TRHDE: variants seen among roughly 807,000 people sequenced by gnomAD.
TRHDE encodes the protein thyrotropin releasing hormone degrading enzyme.
In TRHDE, 72 loss-of-function variants were observed where a neutral mutation model predicts 125.7. The ratio of observed to expected loss-of-function variants is 0.57; its 90% confidence interval spans 0.47 to 0.70. TRHDE has a LOEUF of 0.70. Among genes scored for constraint, TRHDE ranks in the 30% least tolerant of loss-of-function variants. The pLI, the probability that TRHDE is intolerant of heterozygous loss-of-function variation, is 0.00. For synonymous variants in TRHDE, 509 were observed against 509.1 expected (o/e 1.00, Z 0.00); for missense variants, 1,110 against 1,327.1 (o/e 0.84, Z 2.54).
At position 72,663,817 on chromosome 12, in the gene TRHDE, T is replaced by C. The variant is rs1424044011; in HGVS notation, c.*622T>C. 1.3e-5 allele frequency: 2 copies of C among 152,240 alleles called. No homozygotes were observed. Among genetic ancestry groups the C allele is most frequent in the Non-Finnish European group, 2.9e-5 (2 of 68,038 alleles). The allele number at this position is 152,240 out of a possible 1,614,324, so 9.4% of individuals were successfully genotyped here. A position where few individuals can be genotyped will look rare whatever the true frequency, so the allele number is the denominator to read the frequency against. ...ATTACTGTGTTGCTAACTCATTTTCTTTGAGTTAAAGCTGTGTATACATTT... is the reference window on the plus strand; with the variant it reads ...ATTACTGTGTTGCTAACTCATTTTCCTTGAGTTAAAGCTGTGTATACATTT... On this transcript the variant is annotated 3_prime_UTR_variant, in exon 19 of 19. Coordinates refer to ENST00000261180, the MANE Select transcript of TRHDE (RefSeq NM_013381.3).
intron 2 of TRHDE, among the ~76,000 whole-genome samples, chr12:72,250,026 A>G (rs1878647609): frequency 6.6e-6 from 1 of 152,366 alleles, no homozygotes; most frequent in East Asian, 1.9e-4. Context: ...ATTATGCTGA[A>G]GAATTTAAAG....
chr12:72,329,540 G>A (rs1413017130), intron 2 of TRHDE, among the ~76,000 whole-genome samples: 1 of 152,160 alleles, frequency 6.6e-6, no homozygotes, highest in Non-Finnish European at 1.5e-5. Flanking sequence ...TTAAAGGCAA[G>A]TAAATGGAAT....
intron 2 of TRHDE, among the ~76,000 whole-genome samples, chr12:72,338,574 G>A (rs567192183): frequency 5.3e-5 from 8 of 152,238 alleles, no homozygotes; most frequent in South Asian, 2.1e-4. Flanking sequence ...CTTTGCCCAC[G>A]TCACTTGTTT....
chr12:72,093,750 A>T (rs1474876392), intron 1 of TRHDE, among the ~76,000 whole-genome samples: 1 of 152,066 alleles, frequency 6.6e-6, no homozygotes, highest in African/African-American at 2.4e-5. Context: ...TTAGTTGTCT[A>T]TCTGTCTTCT....
chr12:72,090,594 G>A (rs1413930906), intron 1 of TRHDE, among the ~76,000 whole-genome samples: 1 of 152,136 alleles, frequency 6.6e-6, no homozygotes, highest in Admixed American at 6.5e-5. Context: ...ACTGCCCATT[G>A]CCTTAAATAT....
intron 3 of TRHDE, among the ~76,000 whole-genome samples, chr12:72,467,158 G>GT (rs750653761): frequency 6.6e-6 from 1 of 152,094 alleles, no homozygotes; most frequent in Non-Finnish European, 1.5e-5. Flanking sequence ...ATGTATACAT[G>GT]TGCCATGTTG....
intron 2 of TRHDE, among the ~76,000 whole-genome samples, chr12:72,135,547 A>AT (rs1179034050): frequency 6.8e-6 from 1 of 147,236 alleles, no homozygotes; most frequent in African/African-American, 2.6e-5. Context: ...GTGTGTAAAC[A>AT]TGTTTTTTTT....
chr12:72,516,156 A>G (rs1389847313), intron 6 of TRHDE, among the ~76,000 whole-genome samples: 5 of 151,316 alleles, frequency 3.3e-5, no homozygotes, highest in Non-Finnish European at 7.4e-5. Flanking sequence ...TGAACTTTAA[A>G]GTAGTTTTTT....
At chr12:72,319,726 A>T (rs530008826) in intron 2 of TRHDE, among the ~76,000 whole-genome samples, 7 of 152,300 alleles carry the variant, frequency 4.6e-5, no homozygotes, top group African/African-American at 1.4e-4. Flanking sequence ...GCACTGAGAG[A>T]TAATAAGAAC....
At chr12:72,315,382 T>G (rs192881846) in intron 2 of TRHDE, among the ~76,000 whole-genome samples, 1 of 152,284 alleles carries the variant, frequency 6.6e-6, no homozygotes, top group African/African-American at 2.4e-5. Context: ...GAACAAGTAG[T>G]TTAGATTTTG....
At chr12:72,431,276 G>A (rs1172961243) in intron 3 of TRHDE, among the ~76,000 whole-genome samples, 1 of 152,058 alleles carries the variant, frequency 6.6e-6, no homozygotes, top group Admixed American at 6.6e-5. Flanking sequence ...TATAGTCAAT[G>A]GATGTACTAT....
chr12:72,198,885 T>C (rs1877497123), intron 2 of TRHDE, among the ~76,000 whole-genome samples: 1 of 151,244 alleles, frequency 6.6e-6, no homozygotes, highest in Admixed American at 6.6e-5. Context: ...CTTACAATCA[T>C]GGCAGAAGGT....
intron 3 of TRHDE, among the ~76,000 whole-genome samples, chr12:72,460,992 G>C (rs769138174): frequency 6.6e-6 from 1 of 152,046 alleles, no homozygotes; most frequent in Non-Finnish European, 1.5e-5. Flanking sequence ...AGTAAATGTC[G>C]AGGAAAATTG....
At chr12:72,606,972 G>A (rs1038541706) in intron 12 of TRHDE, among the ~76,000 whole-genome samples, 5 of 151,986 alleles carry the variant, frequency 3.3e-5, no homozygotes, top group Non-Finnish European at 5.9e-5. Flanking sequence ...TATCCAGGAA[G>A]CGTTCAAATT....
At chr12:72,238,295 T>G (rs868333984) in intron 2 of TRHDE, among the ~76,000 whole-genome samples, 1 of 30,970 alleles carries the variant, frequency 3.2e-5, no homozygotes, top group African/African-American at 1.1e-4. Context: ...TATATATATA[T>G]ATATATATAT....
At chr12:72,495,402 T>G (rs1877873096) in intron 5 of TRHDE, among the ~76,000 whole-genome samples, 1 of 152,072 alleles carries the variant, frequency 6.6e-6, no homozygotes, top group Admixed American at 6.6e-5. Flanking sequence ...TAATTGAGAA[T>G]GCAGAGTGCC....
chr12:72,295,617 G>A (rs1880267714), intron 2 of TRHDE, among the ~76,000 whole-genome samples: 1 of 152,194 alleles, frequency 6.6e-6, no homozygotes, highest in African/African-American at 2.4e-5. Flanking sequence ...GAAAGTACAA[G>A]ACATATACAC....
At chr12:72,533,621 T>C (rs1184802798) in intron 6 of TRHDE, among the ~76,000 whole-genome samples, 1 of 151,934 alleles carries the variant, frequency 6.6e-6, no homozygotes, top group Non-Finnish European at 1.5e-5. Context: ...CTTTTTTACC[T>C]CTATTACTTT....
chr12:72,273,604 C>A lies in TRHDE; in HGVS notation c.914+47C>A. The A allele has an allele frequency of 1.3e-6, 2 of 1,524,924 alleles. No homozygotes were observed. Among genetic ancestry groups the A allele is most frequent in the African/African-American group, 1.4e-5 (1 of 73,132 alleles). 94.5% of individuals were successfully genotyped at this position (1,524,924 alleles called of 1,614,324 possible). ...CGCGCTGCCCCACCCCGGCGCGCGG[C>A]TCGAACCTCTGGGCGGCCTGCGACC... On this transcript the variant is annotated intron_variant, in intron 1 of 18. Transcript: ENST00000261180. The surrounding 1 kb of genome is among the most constrained non-coding windows in gnomAD (Gnocchi z 5.3).
Sources: gnomAD v4.1 joint callset for allele counts (sites outside exome capture counted in the v4.1 genomes callset) on GRCh38, gnomAD v4.1.1 for gene constraint, Gnocchi (gnomAD v3.1) non-coding constraint, MANE v1.5 for transcripts, NCBI Gene and HGNC (gene_info 2026-07-23, HGNC 2026-07-21) for gene names.